The following HSPA12A variants were observed in gnomAD, a reference collection of about 807,000 sequenced individuals.
The protein encoded by HSPA12A is heat shock 70 kDa protein 12A.
In HSPA12A, 28 loss-of-function variants were observed where a neutral mutation model predicts 69.2. The observed-to-expected ratio is 0.40, with a 90% CI of 0.30 to 0.55. The LOEUF is 0.55. HSPA12A is among the 20% of genes least tolerant of loss of function. HSPA12A has a pLI of 0.38. For synonymous variants in HSPA12A, 345 were observed against 370.5 expected (o/e 0.93, Z 0.79); for missense variants, 686 against 900.7 (o/e 0.76, Z 3.05).
intron 2 of HSPA12A, among the ~76,000 whole-genome samples, chr10:116,769,787 C>G (rs1308617305): frequency 6.6e-6 from 1 of 152,220 alleles, no homozygotes; most frequent in Non-Finnish European, 1.5e-5. Context: ...GAGAAACACA[C>G]AAAACCCTTC....
At position 116,681,846 on chromosome 10, in the gene HSPA12A, A is replaced by G. The variant is rs1305954052; in HGVS notation, c.867T>C (p.Ser289=). The G allele has an allele frequency of 6.2e-7, 1 of 1,613,982 alleles. No homozygotes were observed. The highest frequency in any genetic ancestry group is 8.5e-7 in the Non-Finnish European group (1 of 1,179,996). ...AKEHIRRNRQ[S]RTFLVENVIG... is the part of the protein sequence containing the mutation. ...TGACATTCTCCACCAAAAAGGTCCG[A>G]CTCTGCCGATTACGCCGTATGTGTT... The change falls in exon 8 of 12, where the codon AGT becomes AGC. Residue 289 remains serine (S), a synonymous_variant. Coordinates refer to ENST00000369209, the MANE Select transcript of HSPA12A (RefSeq NM_025015.3).
intron 2 of HSPA12A, among the ~76,000 whole-genome samples, chr10:116,748,807 C>T (rs1851706834): frequency 6.6e-6 from 1 of 152,148 alleles, no homozygotes; most frequent in East Asian, 1.9e-4. Context: ...GATCCAATTA[C>T]CTCCCACTAG....
intron 1 of HSPA12A, among the ~76,000 whole-genome samples, chr10:116,845,477 C>T (rs148080555): frequency 1.9e-3 from 295 of 152,260 alleles, no homozygotes; most frequent in Middle Eastern, 0.01. Context: ...GTTACAGACT[C>T]ATGGAATGTT....
At chr10:116,706,221 A>G (rs1850245003) in intron 2 of HSPA12A, among the ~76,000 whole-genome samples, 3 of 147,386 alleles carry the variant, frequency 2.0e-5, no homozygotes, top group Admixed American at 2.0e-4. Flanking sequence ...AGCAGTTTAC[A>G]CTTTTTTTTT....
intron 1 of HSPA12A, among the ~76,000 whole-genome samples, chr10:116,839,604 TAAAAAAAAAAA>T (rs59427633): frequency 3.4e-5 from 2 of 59,134 alleles, no homozygotes; most frequent in South Asian, 6.6e-4. Context: ...ATGCCTACCG[TAAAAAAAAAAA>T]AAAAAAAAAA....
rs1177389745 is a variant in HSPA12A, at chr10:116,698,752, A to G, written c.442-13T>C. ...CCATGGTGAGGTCCTGGTAGGAGGA[A>G]GAGGAACAATAGTAAGAAGATGACA... On this transcript the variant is annotated splice_polypyrimidine_tract_variant and intron_variant, in intron 4 of 11. Coordinates refer to ENST00000369209, the MANE Select transcript of HSPA12A (RefSeq NM_025015.3). 15 of 1,596,264 alleles carry G rather than the reference A, an allele frequency of 9.4e-6. No homozygotes were observed. The highest frequency in any genetic ancestry group is 1.2e-5 in the Non-Finnish European group (14 of 1,164,120).
chr10:116,765,574 G>A (rs1321823963), intron 2 of HSPA12A, among the ~76,000 whole-genome samples: 1 of 152,120 alleles, frequency 6.6e-6, no homozygotes, highest in Admixed American at 6.6e-5. Flanking sequence ...CAGAAAGAGG[G>A]CAGAAAGGAA....
intron 2 of HSPA12A, among the ~76,000 whole-genome samples, chr10:116,747,961 T>A (rs188755944): frequency 6.6e-6 from 1 of 152,220 alleles, no homozygotes; most frequent in East Asian, 1.9e-4. Flanking sequence ...TTTGCACCAC[T>A]GCACTCCAGC....
intron 6 of HSPA12A, among the ~76,000 whole-genome samples, chr10:116,688,341 G>C (rs958312072): frequency 3.9e-5 from 6 of 152,190 alleles, no homozygotes; most frequent in Non-Finnish European, 7.3e-5. Flanking sequence ...TCTGAACCAA[G>C]AGCATGCTTC....
Position 116,742,491 on chromosome 10 carries a change from G to A in HSPA12A, c.-22C>T, listed in dbSNP as rs1423777889. The A allele has an allele frequency of 2.2e-6, 3 of 1,334,170 alleles. No individual in the cohort carries two copies. The highest frequency in any genetic ancestry group is 6.9e-5 in the Admixed American group (2 of 29,152). 82.6% of individuals were successfully genotyped at this position (1,334,170 alleles called of 1,614,324 possible). On this transcript the variant is annotated 5_prime_UTR_variant, in exon 1 of 12. Coordinates refer to ENST00000369209, the MANE Select transcript of HSPA12A (RefSeq NM_025015.3). ...CCATGGTCGCGCAGCCCCGGACCGC[G>A]AGGGGAGCCTCCAGCGCAGCGCCCG...
At chr10:116,749,086 C>G (rs1037896461) in intron 2 of HSPA12A, among the ~76,000 whole-genome samples, 2 of 152,186 alleles carry the variant, frequency 1.3e-5, no homozygotes, top group African/African-American at 4.8e-5. Context: ...CCCCACCCAA[C>G]CTATGGTTCC....
chr10:116,694,825 CCCCTTCTG>C (rs1171769191), intron 5 of HSPA12A, among the ~76,000 whole-genome samples: 1 of 152,184 alleles, frequency 6.6e-6, no homozygotes, highest in East Asian at 1.9e-4. Flanking sequence ...TTGTGCCCCT[CCCCTTCTG>C]CCCTTTTGCC....
intron 2 of HSPA12A, among the ~76,000 whole-genome samples, chr10:116,782,306 A>G (rs1262992573): frequency 1.3e-5 from 2 of 152,194 alleles, no homozygotes; most frequent in Admixed American, 6.5e-5. Flanking sequence ...TGTTTTGGAA[A>G]TTTGGCAATC....
chr10:116,697,290 A>T (rs1554880981), intron 5 of HSPA12A, among the ~76,000 whole-genome samples: 1 of 152,082 alleles, frequency 6.6e-6, no homozygotes, highest in African/African-American at 2.4e-5. Context: ...ATCCCCACCC[A>T]CTGGTCTCCA....
intron 1 of HSPA12A, among the ~76,000 whole-genome samples, chr10:116,733,142 A>C (rs1160976860): frequency 1.3e-5 from 2 of 152,194 alleles, no homozygotes; most frequent in African/African-American, 4.8e-5. Flanking sequence ...GTTTTCTGAA[A>C]CTTTCATCTG....
chr10:116,676,196 A>G (rs913973556), intron 11 of HSPA12A, among the ~76,000 whole-genome samples: 1 of 152,196 alleles, frequency 6.6e-6, no homozygotes, highest in Non-Finnish European at 1.5e-5. Flanking sequence ...GCAGCTTTGC[A>G]GTACGAGGAG....
intron 2 of HSPA12A, among the ~76,000 whole-genome samples, chr10:116,786,335 C>T (rs917241283): frequency 6.6e-6 from 1 of 152,138 alleles, no homozygotes; most frequent in South Asian, 2.1e-4. Flanking sequence ...CTCCGCCTTG[C>T]CCCTAGCCTG....
intron 2 of HSPA12A, among the ~76,000 whole-genome samples, chr10:116,759,003 C>T (rs940672275): frequency 2.6e-5 from 4 of 152,164 alleles, no homozygotes; most frequent in Admixed American, 6.5e-5. Context: ...CCCAGACAGC[C>T]GGCTTGTTTC....
intron 2 of HSPA12A, among the ~76,000 whole-genome samples, chr10:116,805,120 T>C (rs1465896644): frequency 6.6e-6 from 1 of 152,050 alleles, no homozygotes; most frequent in Non-Finnish European, 1.5e-5. Flanking sequence ...ATCCAGACCA[T>C]CCTGGCTAAC....
Sources: allele counts gnomAD v4.1 joint callset (sites outside exome capture counted in the v4.1 genomes callset), GRCh38; gene constraint gnomAD v4.1.1; transcripts MANE v1.5; gene names NCBI Gene and HGNC (gene_info 2026-07-23, HGNC 2026-07-21).